Variants in KIAA1217 observed in about 807,000 individuals in gnomAD.
KIAA1217 encodes sickle tail protein homolog.
Under a neutral mutation model 163.9 loss-of-function variants are expected in KIAA1217, and 88 were observed. The observed-to-expected ratio is 0.54, with a 90% CI of 0.45 to 0.64. KIAA1217 has a LOEUF of 0.64. Among genes scored for constraint, KIAA1217 ranks in the 30% least tolerant of loss-of-function variants. The probability of loss-of-function intolerance (pLI) is 0.00; values close to 1 mark genes in which losing one functional copy is unlikely to be tolerated. For synonymous variants in KIAA1217, 903 were observed against 923.1 expected (o/e 0.98, Z 0.39); for missense variants, 2,372 against 2,475.0 (o/e 0.96, Z 0.88).
intron 3 of KIAA1217, among the ~76,000 whole-genome samples, chr10:24,425,590 A>G (rs1429337059): frequency 6.6e-6 from 1 of 152,202 alleles, no homozygotes; most frequent in Non-Finnish European, 1.5e-5. Flanking sequence ...TGCTTTTCAT[A>G]ACTGTTTAGT....
intron 9 of KIAA1217, among the ~76,000 whole-genome samples, chr10:24,507,637 T>G (rs1006096834): frequency 6.6e-6 from 1 of 152,238 alleles, no homozygotes; most frequent in Non-Finnish European, 1.5e-5. Context: ...TAAAATGTAG[T>G]GACCAGTGAG....
intron 2 of KIAA1217, among the ~76,000 whole-genome samples, chr10:24,321,505 C>T (rs1385079746): frequency 6.6e-6 from 1 of 152,018 alleles, no homozygotes; most frequent in Non-Finnish European, 1.5e-5. Flanking sequence ...TGCACTCCAG[C>T]CTGGGTAACA....
Position 23,883,022 on chromosome 10 carries a change from T to C in KIAA1217, c.-320-124203T>C, listed in dbSNP as rs189903044. Reference sequence around the variant, plus strand: ...TATATCTCTCTTTTACCTAGAATGATTTGCATTACAGTGATAGCTATTTTA... The same window carrying C: ...TATATCTCTCTTTTACCTAGAATGACTTGCATTACAGTGATAGCTATTTTA... On this transcript the variant is annotated intron_variant, in intron 1 of 18. Transcript: ENST00000376462. 1.7e-4 allele frequency among the ~76,000 whole-genome samples: 26 copies of C among 152,036 alleles called. No homozygotes were observed. The East Asian group carries it at 3.7e-3, about 22-fold the overall frequency.
chr10:24,520,689 A>C (rs187172459), intron 11 of KIAA1217, among the ~76,000 whole-genome samples: 2,924 of 103,084 alleles, frequency 0.028, 202 homozygotes, highest in African/African-American at 0.11. Context: ...CACACACACA[A>C]AAAAAAATTA....
At chr10:24,171,752 A>G (rs530933845) in intron 2 of KIAA1217, among the ~76,000 whole-genome samples, 65 of 152,324 alleles carry the variant, frequency 4.3e-4, no homozygotes, top group Admixed American at 2.0e-3. Flanking sequence ...GCACCATTGC[A>G]CTCCAGACTG....
At chr10:24,151,604 G>A (rs1441475228) in intron 2 of KIAA1217, among the ~76,000 whole-genome samples, 2 of 151,224 alleles carry the variant, frequency 1.3e-5, no homozygotes, top group African/African-American at 4.9e-5. Flanking sequence ...AGGACTTGAG[G>A]TCTCTCTGGA....
intron 1 of KIAA1217, among the ~76,000 whole-genome samples, chr10:23,916,968 C>CA (rs72049753): frequency 0.014 from 1,138 of 79,812 alleles, 33 homozygotes; most frequent in East Asian, 0.12. Context: ...GAGATTCTCT[C>CA]AAAAAAAAAA....
chr10:24,134,502 C>T (rs111420268), intron 2 of KIAA1217, among the ~76,000 whole-genome samples: 8 of 152,126 alleles, frequency 5.3e-5, no homozygotes, highest in East Asian at 1.9e-4. Context: ...CTTGTAGTTG[C>T]GCTGACCTTC....
At chr10:23,861,437 T>G (rs1009258418) in intron 1 of KIAA1217, among the ~76,000 whole-genome samples, 1 of 152,166 alleles carries the variant, frequency 6.6e-6, no homozygotes, top group African/African-American at 2.4e-5. Flanking sequence ...CTGGGAGCTG[T>G]GAATATGTTA....
intron 2 of KIAA1217, among the ~76,000 whole-genome samples, chr10:24,299,879 G>C (rs1176378140): frequency 4.6e-5 from 7 of 152,066 alleles, no homozygotes; most frequent in African/African-American, 1.7e-4. Flanking sequence ...TTCTCTCTCT[G>C]ACCAAACTGC....
intron 1 of KIAA1217, among the ~76,000 whole-genome samples, chr10:23,767,893 A>T (rs1834612781): frequency 1.3e-5 from 2 of 152,200 alleles, no homozygotes; most frequent in Non-Finnish European, 2.9e-5. Context: ...GAATCCAAGT[A>T]GGGCTTTCTC....
rs202052622 is a variant in KIAA1217, at chr10:24,520,218, T to A, written c.2273T>A (p.Leu758Gln). Residue 758 changes from leucine to glutamine, a missense_variant, in exon 11 of 21, where the codon CTG (leucine) becomes CAG (glutamine). Coordinates refer to ENST00000376454, the MANE Select transcript of KIAA1217 (RefSeq NM_019590.5). The part of the protein sequence containing the change: ...LKDVEDGAFL[L>Q]RQVGEAVATL... Reference sequence around the variant, plus strand: ...GACGTGGAAGACGGGGCTTTCCTCCTGCGTCAAGTGGGAGAGGCTGTAGCT... The same window carrying A: ...GACGTGGAAGACGGGGCTTTCCTCCAGCGTCAAGTGGGAGAGGCTGTAGCT... 1 of 1,614,180 alleles carries A rather than the reference T, an allele frequency of 6.2e-7. No individual in the cohort carries two copies. The highest frequency in any genetic ancestry group is 1.3e-5 in the African/African-American group (1 of 75,046).
chr10:24,499,646 C>T (rs1235102831), intron 8 of KIAA1217, among the ~76,000 whole-genome samples: 1 of 152,150 alleles, frequency 6.6e-6, no homozygotes, highest in African/African-American at 2.4e-5. Context: ...ACAGGAAAAT[C>T]GCTTGCACCC....
At chr10:24,233,993 GT>G (rs1352766869) in intron 2 of KIAA1217, among the ~76,000 whole-genome samples, 1 of 152,042 alleles carries the variant, frequency 6.6e-6, no homozygotes, top group African/African-American at 2.4e-5. Flanking sequence ...TCTTCATTCT[GT>G]TTAGTGTCTG....
chr10:24,007,472 T>C, intron 2 of KIAA1217: 1 of 152,256 alleles, frequency 6.6e-6, no homozygotes, highest in Non-Finnish European at 1.5e-5. Context: ...ACTTGGCTTC[T>C]GTTCATTCCC....
At position 23,761,824 on chromosome 10, in the gene KIAA1217, GT is replaced by G. The variant is rs201084128; in HGVS notation, c.-321+66599del. 3.5e-4 allele frequency among the ~76,000 whole-genome samples: 53 copies of G among 150,592 alleles called. 1 individual carries two copies. The highest frequency in any genetic ancestry group is 3.5e-3 in the Middle Eastern group (1 of 288). On this transcript the variant is annotated intron_variant, in intron 1 of 18. Coordinates refer to the KIAA1217 transcript ENST00000376462. ...TGAATATCCTTGTTAATTAGCTGGT[GT>G]TTTTTTTTGTTAAATTAACAAAATA...
chr10:24,158,530 T>C (rs368410878), intron 2 of KIAA1217: 2 of 514,858 alleles, frequency 3.9e-6, no homozygotes, highest in Non-Finnish European at 8.0e-6. Context: ...TTTTAGAGAA[T>C]TCATCATGAT....
At chr10:23,998,125 A>T (rs566929557) in intron 1 of KIAA1217, among the ~76,000 whole-genome samples, 3 of 151,794 alleles carry the variant, frequency 2.0e-5, no homozygotes, top group Non-Finnish European at 4.4e-5. Context: ...ACATTAGTAA[A>T]TTCACTTATA....
chr10:24,251,400 C>CAAAAAAAAAAAAAAAAAAAA (rs55668887), intron 2 of KIAA1217, among the ~76,000 whole-genome samples: 1 of 90,536 alleles, frequency 1.1e-5, no homozygotes, highest in African/African-American at 4.2e-5. Context: ...GACACTGTCT[C>CAAAAAAAAAAAAAAAAAAAA]AAAAAAAAAA....
Sources: gnomAD v4.1 joint callset for allele counts (sites outside exome capture counted in the v4.1 genomes callset) on GRCh38, gnomAD v4.1.1 for gene constraint, MANE v1.5 for transcripts, NCBI Gene and HGNC (gene_info 2026-07-23, HGNC 2026-07-21) for gene names.